STYXL1: variants seen among roughly 807,000 people sequenced by gnomAD.
STYXL1 encodes the protein serine/threonine/tyrosine interacting like 1.
Under a neutral mutation model 36.4 loss-of-function variants are expected in STYXL1, and 32 were observed. That is an observed-to-expected ratio of 0.88 (90% CI 0.66 to 1.18). The LOEUF (loss-of-function observed/expected upper bound fraction) is 1.18. STYXL1 is among the 50% of genes most tolerant of loss of function. The probability of loss-of-function intolerance (pLI) is 0.00; values close to 1 mark genes in which losing one functional copy is unlikely to be tolerated. For missense variants in STYXL1, 354 were observed against 394.1 expected (o/e 0.90, Z 0.86); for synonymous variants, 133 against 144.1 (o/e 0.92, Z 0.55).
At chr7:75,997,730 A>G (rs1315769240) in intron 8 of STYXL1, among the ~76,000 whole-genome samples, 1 of 152,172 alleles carries the variant, frequency 6.6e-6, no homozygotes, top group Non-Finnish European at 1.5e-5. Context: ...ACACACACAC[A>G]CAACACACAC....
At position 76,047,975 on chromosome 7, in the gene STYXL1, A is replaced by G. The variant is rs553603226; in HGVS notation, c.-318T>C. Reference sequence around the variant, plus strand: ...ACCGGGGTTGCCAGGATGGTCCCACAGCTTTCCTTTCCGACTCCCGGAAGT... The same window carrying G: ...ACCGGGGTTGCCAGGATGGTCCCACGGCTTTCCTTTCCGACTCCCGGAAGT... On this transcript the variant is annotated 5_prime_UTR_variant, in exon 1 of 9. Transcript: ENST00000359697. 2.6e-5 allele frequency: 39 copies of G among 1,479,928 alleles called. No homozygotes were observed. Among genetic ancestry groups the G allele is most frequent in the Admixed American group, 4.3e-5 (2 of 46,778 alleles). 91.7% of individuals were successfully genotyped at this position (1,479,928 alleles called of 1,614,324 possible).
intron 3 of STYXL1, among the ~76,000 whole-genome samples, chr7:76,023,506 G>A (rs1427040858): frequency 6.6e-6 from 1 of 151,820 alleles, no homozygotes; most frequent in Non-Finnish European, 1.5e-5. Context: ...TGGGACCACG[G>A]GCATGCACCA....
intron 1 of STYXL1, among the ~76,000 whole-genome samples, chr7:76,046,986 G>A (rs1169508146): frequency 3.3e-5 from 5 of 151,558 alleles, no homozygotes; most frequent in Non-Finnish European, 5.9e-5. Flanking sequence ...ATCAGGCCGG[G>A]CGCGGTGGCT....
intron 3 of STYXL1, among the ~76,000 whole-genome samples, chr7:76,025,136 G>A (rs1794536060): frequency 7.6e-6 from 1 of 131,448 alleles, no homozygotes; most frequent in Non-Finnish European, 1.6e-5. Context: ...AGAAGGCTGA[G>A]AACACGGGCG....
intron 5 of STYXL1, among the ~76,000 whole-genome samples, chr7:76,011,830 CG>C (rs1792590364): frequency 6.6e-6 from 1 of 152,196 alleles, no homozygotes; most frequent in African/African-American, 2.4e-5. Context: ...TCCAGATACC[CG>C]GGGCGTCCCT....
intron 1 of STYXL1, among the ~76,000 whole-genome samples, chr7:76,036,933 C>T (rs1416466675): frequency 1.3e-5 from 2 of 148,650 alleles, no homozygotes; most frequent in African/African-American, 2.5e-5. Context: ...TACAGGCGCC[C>T]GCCACCACAC....
intron 1 of STYXL1, among the ~76,000 whole-genome samples, chr7:76,030,815 C>T (rs2116314171): frequency 7.1e-6 from 1 of 140,876 alleles, no homozygotes; most frequent in Admixed American, 7.2e-5. Flanking sequence ...AGTTCAAGAC[C>T]AGCCCGGCCA....
rs1797343200 is a variant in STYXL1, at chr7:76,047,854, G to T, written c.-197C>A. 4.6e-6 allele frequency: 6 copies of T among 1,291,386 alleles called. No homozygotes were observed. The highest frequency in any genetic ancestry group is 6.0e-6 in the Non-Finnish European group (6 of 998,110). 80.0% of individuals were successfully genotyped at this position (1,291,386 alleles called of 1,614,324 possible). On this transcript the variant is annotated 5_prime_UTR_variant, in exon 1 of 9. Coordinates refer to ENST00000359697, the MANE Select transcript of STYXL1 (RefSeq NM_001317785.2). ...CTAAGGCGCTTCCAGCCTAAAGCCC[G>T]TCCTCTTCCACCTCTTGGGTGCAGA...
At chr7:76,033,561 G>A (rs1025242362) in intron 1 of STYXL1, among the ~76,000 whole-genome samples, 1 of 152,082 alleles carries the variant, frequency 6.6e-6, no homozygotes, top group African/African-American at 2.4e-5. Flanking sequence ...AAACGGTTAG[G>A]CTCCACTTCA....
chr7:76,010,049 A>G (rs1462362498), intron 5 of STYXL1, among the ~76,000 whole-genome samples: 1 of 152,182 alleles, frequency 6.6e-6, no homozygotes, highest in African/African-American at 2.4e-5. Flanking sequence ...ACACCTTACT[A>G]AAGCTTCAGA....
chr7:76,002,582 C>T (rs191680301), intron 7 of STYXL1, among the ~76,000 whole-genome samples: 53 of 152,312 alleles, frequency 3.5e-4, no homozygotes, highest in African/African-American at 1.3e-3. Context: ...TGGGAAGTCT[C>T]AGCCTCAGGC....
At chr7:76,030,871 A>G (rs1262534781) in intron 1 of STYXL1, among the ~76,000 whole-genome samples, 6 of 151,046 alleles carry the variant, frequency 4.0e-5, no homozygotes, top group Non-Finnish European at 8.9e-5. Flanking sequence ...AAAAAAAAAA[A>G]AAAAATTGGC....
intron 1 of STYXL1, 47 bp from the exon 2 acceptor site, chr7:76,030,574 A>G (rs888727603): frequency 8.9e-7 from 1 of 1,129,818 alleles, no homozygotes; most frequent in African/African-American, 1.5e-5. Flanking sequence ...TCTATTTTAG[A>G]TGAATGACCA....
chr7:76,047,051 G>A (rs1004997796), intron 1 of STYXL1, among the ~76,000 whole-genome samples: 2 of 151,526 alleles, frequency 1.3e-5, no homozygotes, highest in African/African-American at 2.4e-5. Context: ...CACGAGGTCA[G>A]GAGTTCGAGA....
chr7:76,010,101 T>A (rs1792372928), intron 5 of STYXL1, among the ~76,000 whole-genome samples: 1 of 152,108 alleles, frequency 6.6e-6, no homozygotes, highest in African/African-American at 2.4e-5. Flanking sequence ...AGCGTAGGGT[T>A]TGCAGAGAAG....
intron 1 of STYXL1, among the ~76,000 whole-genome samples, chr7:76,047,210 A>G (rs1343011156): frequency 1.3e-5 from 2 of 152,052 alleles, no homozygotes; most frequent in African/African-American, 4.8e-5. Flanking sequence ...GCAGTGAGCC[A>G]AGATCGCGCC....
At chr7:76,032,916 T>A (rs1795527535) in intron 1 of STYXL1, among the ~76,000 whole-genome samples, 1 of 152,014 alleles carries the variant, frequency 6.6e-6, no homozygotes, top group South Asian at 2.1e-4. Flanking sequence ...GTGCAGTACC[T>A]AAGAGAGTTC....
chr7:76,036,193 C>G (rs936983046), intron 1 of STYXL1, among the ~76,000 whole-genome samples: 1 of 149,994 alleles, frequency 6.7e-6, no homozygotes, highest in African/African-American at 2.4e-5. Flanking sequence ...CTCCACCTCC[C>G]GGGTTCGAGT....
At position 76,016,266 on chromosome 7, in the gene STYXL1, GTA is replaced by G. The variant is rs530344209; in HGVS notation, c.308-2381_308-2380del. 6.5e-3 allele frequency among the ~76,000 whole-genome samples: 979 copies of G among 150,792 alleles called. 12 individuals carry two copies. Among genetic ancestry groups the G allele is most frequent in the African/African-American group, 0.022 (918 of 40,974 alleles). On this transcript the variant is annotated intron_variant, in intron 4 of 8. Transcript: ENST00000359697. The stretch of plus-strand genomic sequence containing the variant: ...TGTATAGATATACGTATATCTATAT[GTA>G]TGTGTGTATATATGTATATCTATAC...
Sources: allele counts gnomAD v4.1 joint callset (sites outside exome capture counted in the v4.1 genomes callset), GRCh38; gene constraint gnomAD v4.1.1; transcripts MANE v1.5; gene names NCBI Gene and HGNC (gene_info 2026-07-23, HGNC 2026-07-21).